C1R: variants seen among roughly 807,000 people sequenced by gnomAD.
The protein encoded by C1R is complement C1r subcomponent.
C1R carries 15 observed loss-of-function variants against 27.6 expected under a neutral mutation model. The ratio of observed to expected loss-of-function variants is 0.54; its 90% CI spans 0.36 to 0.84. The LOEUF (loss-of-function observed/expected upper bound fraction) is 0.84. Ranked by LOEUF, C1R falls within the 40% of genes least tolerant of loss-of-function variation. C1R has a pLI of 0.01. For synonymous variants in C1R, 253 were observed against 228.8 expected (o/e 1.11, Z -0.95); for missense variants, 544 against 577.9 (o/e 0.94, Z 0.60).
chr12:7,092,360 A>T lies in C1R; in HGVS notation c.2+27T>A, dbSNP rs12422724. 302,963 of 779,208 alleles carry T rather than the reference A, an allele frequency of 0.39. 60,357 individuals are homozygous for T. Among genetic ancestry groups the T allele is most frequent in the Admixed American group, 0.48 (28,493 of 58,800 alleles). 48.3% of individuals were successfully genotyped at this position (779,208 alleles called of 1,614,324 possible). On this transcript the variant is annotated intron_variant, in intron 1 of 10. Coordinates refer to ENST00000647956, the MANE Select transcript of C1R (RefSeq NM_001733.7). ...GCTTCTCCCCTGGCTTCTCCCTCCC[A>T]CCTGGTTGCCCATCACCCTTACTCA...
chr12:7,090,253 T>C lies in C1R; in HGVS notation c.232-5A>G, dbSNP rs766689135. ...GCTTTTCTTATCAGCAGAGATCTGG[T>C]GGAAGAAGGACAGGGGGTAGGAAGA... is the stretch of plus-strand genomic sequence containing the variant. On this transcript the variant is annotated splice_region_variant and splice_polypyrimidine_tract_variant and intron_variant, in intron 2 of 10. Coordinates refer to ENST00000647956, the MANE Select transcript of C1R (RefSeq NM_001733.7). 1 of 725,584 alleles carries C rather than the reference T, an allele frequency of 1.4e-6. No individual in the cohort carries two copies. The highest frequency in any genetic ancestry group is 1.7e-5 in the African/African-American group (1 of 57,814). The allele number at this position is 725,584 out of a possible 1,614,324, so 44.9% of individuals were successfully genotyped here.
chr12:7,089,202 G>A lies in C1R; in HGVS notation c.768+91C>T, dbSNP rs140187880. On this transcript the variant is annotated intron_variant, in intron 5 of 10. Coordinates refer to ENST00000647956, the MANE Select transcript of C1R (RefSeq NM_001733.7). ...GATGTTGGCCGTTCCTGCCCCAGCTGGCCAGGGGATCCAGGAGGAAGTTGG... is the reference window on the plus strand; with the variant it reads ...GATGTTGGCCGTTCCTGCCCCAGCTAGCCAGGGGATCCAGGAGGAAGTTGG... 6.6e-4 allele frequency: 468 copies of A among 704,516 alleles called. 1 individual carries two copies. The African/African-American group carries it at 7.2e-3, about 11-fold the overall frequency. 43.6% of individuals were successfully genotyped at this position (704,516 alleles called of 1,614,324 possible). A position where few individuals can be genotyped will look rare whatever the true frequency, so the allele number is the denominator to read the frequency against.
Position 7,081,318 on chromosome 12 carries a change from G to A in C1R, c.1349-17C>T. ...TCCCACACACTGAGGGAGAGACAGGGAAGACAAGGGCAAGTCAGTTCCAGG... is the reference window on the plus strand; with the variant it reads ...TCCCACACACTGAGGGAGAGACAGGAAAGACAAGGGCAAGTCAGTTCCAGG... On this transcript the variant is annotated splice_polypyrimidine_tract_variant and intron_variant, in intron 10 of 10. Coordinates refer to ENST00000647956, the MANE Select transcript of C1R (RefSeq NM_001733.7). 3.1e-6 allele frequency: 5 copies of A among 1,602,782 alleles called. No homozygotes were observed. Among genetic ancestry groups the A allele is most frequent in the South Asian group, 1.1e-5 (1 of 89,450 alleles).
rs777652376 is a variant in C1R, at chr12:7,081,107, C to A, written c.1543G>T (p.Ala515Ser). Residue 515 changes from alanine (A) to serine (S), a missense_variant, in exon 11 of 11, where the codon GCC becomes TCC. Physicochemically the swap from Ala to Ser is moderately conservative, Grantham distance 99 (BLOSUM62 1). Transcript: ENST00000647956. ...TGGCCCAGGAACACATCCAAAGAGG[C>A]GTTGCTTTGCGCTTCGTGTTCCTTG... The part of the protein sequence containing the change: ...YPKEHEAQSN[A>S]SLDVFLGHTN... 1 of 1,613,914 alleles carries A rather than the reference C, an allele frequency of 6.2e-7. No individual in the cohort carries two copies. Among genetic ancestry groups the A allele is most frequent in the Non-Finnish European group, 8.5e-7 (1 of 1,179,904 alleles).
rs1017684228 is a variant in C1R at position 7,086,448 on chromosome 12, C to A, written c.1048G>T (p.Val350Leu). ...QGYQLIEGNQ[V>L]LHSFTAVCQD... ...CAGACAGCTGTGAAGGAATGCAGCA[C>A]CTGGTTCCCCTGTTGAGCAGAGGAT... The change falls in exon 8 of 11, where the codon GTG (valine) becomes TTG (leucine). Residue 350 changes from valine (V) to leucine (L), a missense_variant. By Grantham distance (32) the Val-to-Leu change is conservative (BLOSUM62 1). Transcript: ENST00000647956. 2.5e-6 allele frequency: 1 copy of A among 398,722 alleles called. No homozygotes were observed. The highest frequency in any genetic ancestry group is 4.4e-6 in the Non-Finnish European group (1 of 226,116). 24.7% of individuals were successfully genotyped at this position (398,722 alleles called of 1,614,324 possible).
At chr12:7,086,566 C>T (rs1193883635) in intron 7 of C1R, 109 bp from the exon 8 acceptor site, 6 of 353,474 alleles carry the variant, frequency 1.7e-5, no homozygotes, top group Non-Finnish European at 3.0e-5. Context: ...CTCTTGGCTC[C>T]CCCATGGATG....
At chr12:7,092,171 GA>G (rs1455688682) in intron 1 of C1R, 1 of 629,628 alleles carries the variant, frequency 1.6e-6, no homozygotes, top group Non-Finnish European at 2.9e-6. Context: ...CCAGAGGGAA[GA>G]AAGGACCATG....
chr12:7,089,963 CT>C lies in C1R; in HGVS notation c.424+92del, dbSNP rs911499963. On this transcript the variant is annotated intron_variant, in intron 3 of 10. Transcript: ENST00000647956. ...GAGGGGAGGAACAAGGAAAGCCAGG[CT>C]TTCGGCTTCTTTGCATTCAAGATTC... 8.7e-5 allele frequency: 61 copies of C among 698,668 alleles called. 1 individual carries two copies. The African/African-American group carries it at 1.0e-3, about 12-fold the overall frequency. 43.3% of individuals were successfully genotyped at this position (698,668 alleles called of 1,614,324 possible). A position where few individuals can be genotyped will look rare whatever the true frequency, so the allele number is the denominator to read the frequency against.
In C1R at chr12:7,091,384, GCCAT is replaced by G; in HGVS notation, c.231+64_231+67del. Reference sequence around the variant, plus strand: ...CTGGGCTGTGTCTGGGGGTGTGCATGCCATACAGATCCCAGATCCCAGAGGGCCC... The same window carrying G: ...CTGGGCTGTGTCTGGGGGTGTGCATGACAGATCCCAGATCCCAGAGGGCCC... On this transcript the variant is annotated intron_variant, in intron 2 of 10. Transcript: ENST00000647956. This position sits in a 1 kb window ranked among gnomAD's most constrained non-coding sequence, Gnocchi z 5.1. 1.4e-6 allele frequency: 1 copy of G among 707,400 alleles called. No homozygotes were observed. The highest frequency in any genetic ancestry group is 2.6e-6 in the Non-Finnish European group (1 of 382,804). 43.8% of individuals were successfully genotyped at this position (707,400 alleles called of 1,614,324 possible).
At chr12:7,090,639 C>T (rs1286919826) in intron 2 of C1R, among the ~76,000 whole-genome samples, 7 of 152,196 alleles carry the variant, frequency 4.6e-5, no homozygotes, top group Non-Finnish European at 1.0e-4. Context: ...TTTCTGTCTT[C>T]AGATTCCACC....
chr12:7,084,774 T>TTG (rs1938113088), intron 9 of C1R, among the ~76,000 whole-genome samples: 1 of 150,248 alleles, frequency 6.7e-6, no homozygotes, highest in Non-Finnish European at 1.5e-5. Flanking sequence ...GTGATGGTAG[T>TTG]GTTGGTGTTG....
At chr12:7,084,963 A>T (rs890842078) in intron 9 of C1R, among the ~76,000 whole-genome samples, 6 of 138,858 alleles carry the variant, frequency 4.3e-5, no homozygotes, top group African/African-American at 1.4e-4. Flanking sequence ...GATGTTGGTA[A>T]TGGTGATGGT....
Position 7,080,465 on chromosome 12 carries a change from G to T in C1R, c.*67C>A, listed in dbSNP as rs1938032669. On this transcript the variant is annotated 3_prime_UTR_variant, in exon 11 of 11. Coordinates refer to ENST00000647956, the MANE Select transcript of C1R (RefSeq NM_001733.7). The surrounding 1 kb of genome is among the most constrained non-coding windows in gnomAD (Gnocchi z 4.9). ...AGACTCTTAGTGGTTATCAACAACT[G>T]GTCAGTTGTTTTTTGTTTTTTTTTT... 2 of 1,509,476 alleles carry T rather than the reference G, an allele frequency of 1.3e-6. No homozygotes were observed. The highest frequency in any genetic ancestry group is 2.8e-5 in the South Asian group (2 of 72,118). The allele number at this position is 1,509,476 out of a possible 1,614,324, so 93.5% of individuals were successfully genotyped here. A position where few individuals can be genotyped will look rare whatever the true frequency, so the allele number is the denominator to read the frequency against.
intron 9 of C1R, among the ~76,000 whole-genome samples, chr12:7,084,775 G>T (rs1388763954): frequency 1.3e-5 from 2 of 149,760 alleles, no homozygotes; most frequent in Non-Finnish European, 2.9e-5. Context: ...TGATGGTAGT[G>T]TTGGTGTTGG....
chr12:7,082,637 C>T (rs1481083821), intron 9 of C1R, among the ~76,000 whole-genome samples: 1 of 152,088 alleles, frequency 6.6e-6, no homozygotes, highest in Non-Finnish European at 1.5e-5. Flanking sequence ...GGCCAGAATG[C>T]TTAACTATTA....
rs772107584 is a variant in C1R, at chr12:7,080,807, C to CT, written c.1842dup (p.Ala615SerfsTer2). On this transcript the variant is annotated frameshift_variant, in exon 11 of 11. Transcript: ENST00000647956. LOFTEE classifies it low-confidence loss of function (END_TRUNC). The surrounding 1 kb of genome is among the most constrained non-coding windows in gnomAD (Gnocchi z 4.9). ...CAGTTCTCACAGGCCTGTGGATTAG[C>CT]TACGGGCAGACGGACAAACCTGAGG... The CT allele has an allele frequency of 2.4e-5, 39 of 1,613,838 alleles. No individual in the cohort carries two copies.
intron 9 of C1R, among the ~76,000 whole-genome samples, chr12:7,082,426 G>C (rs1300724466): frequency 6.6e-6 from 1 of 152,084 alleles, no homozygotes; most frequent in Non-Finnish European, 1.5e-5. Flanking sequence ...CCGTCTCCCA[G>C]GTTCATGCCA....
At chr12:7,088,474 T>C (rs1000580057) in intron 7 of C1R, 136 bp downstream of exon 7, 4 of 713,238 alleles carry the variant, frequency 5.6e-6, no homozygotes, top group East Asian at 5.4e-5. Context: ...GTTTGAGAGC[T>C]GGTGGACCAG....
In C1R at chr12:7,092,415, G is replaced by C. The variant is rs929467136; in HGVS notation, c.-27C>G. Reference sequence around the variant, plus strand: ...TCTCAAGGCCCGTGTTGAATCCTGGGCTCTCCCGACAGCGTCTTCGTGCAC... The same window carrying C: ...TCTCAAGGCCCGTGTTGAATCCTGGCCTCTCCCGACAGCGTCTTCGTGCAC... On this transcript the variant is annotated 5_prime_UTR_variant, in exon 1 of 11. Coordinates refer to ENST00000647956, the MANE Select transcript of C1R (RefSeq NM_001733.7). 1 of 780,674 alleles carries C rather than the reference G, an allele frequency of 1.3e-6. No individual in the cohort carries two copies. The highest frequency in any genetic ancestry group is 2.4e-6 in the Non-Finnish European group (1 of 417,956). 48.4% of individuals were successfully genotyped at this position (780,674 alleles called of 1,614,324 possible).
Sources: allele counts gnomAD v4.1 joint callset (sites outside exome capture counted in the v4.1 genomes callset), GRCh38; gene constraint gnomAD v4.1.1; non-coding constraint Gnocchi (gnomAD v3.1); transcripts MANE v1.5; gene names NCBI Gene and HGNC (gene_info 2026-07-23, HGNC 2026-07-21).